The following FSTL4 variants were observed in gnomAD, a reference collection of about 807,000 sequenced individuals.
FSTL4 encodes the protein follistatin-related protein 4.
A neutral mutation model predicts 78.2 loss-of-function variants in FSTL4; 28 were observed. The ratio of observed to expected loss-of-function variants is 0.36; its 90% CI spans 0.27 to 0.49. The LOEUF (loss-of-function observed/expected upper bound fraction) is 0.49. Ranked by LOEUF, FSTL4 falls within the 20% of genes least tolerant of loss-of-function variation. The probability of loss-of-function intolerance (pLI) is 0.98; values close to 1 mark genes in which losing one functional copy is unlikely to be tolerated. For synonymous variants in FSTL4, 422 were observed against 440.5 expected, an observed-to-expected ratio of 0.96 and a Z score of 0.53; for missense variants, 922 against 1,084.9, an observed-to-expected ratio of 0.85 and a Z score of 2.11.
chr5:133,714,540 C>T, the FSTL4 span, among the ~76,000 whole-genome samples: 2 of 152,206 alleles, frequency 1.3e-5, no homozygotes, highest in Admixed American at 1.3e-4. Flanking sequence ...TGCCTCTTTG[C>T]TGCGTCTTCA....
chr5:133,671,178 A>G, the FSTL4 span, among the ~76,000 whole-genome samples: 3 of 152,218 alleles, frequency 2.0e-5, no homozygotes, highest in Non-Finnish European at 4.4e-5. Flanking sequence ...CTGGGAGCAG[A>G]GTTCCCTTGA....
At chr5:133,700,737 C>T in the FSTL4 span, among the ~76,000 whole-genome samples, 2 of 152,336 alleles carry the variant, frequency 1.3e-5, no homozygotes, top group Middle Eastern at 3.4e-3. Context: ...CTCAGGGCCT[C>T]GGGTTTCTCA....
At chr5:133,227,443 CT>C (rs904728732) in intron 8 of FSTL4, among the ~76,000 whole-genome samples, 4 of 152,174 alleles carry the variant, frequency 2.6e-5, no homozygotes, top group African/African-American at 9.6e-5. Flanking sequence ...AGAAACTTCC[CT>C]ATACCTTGCC....
chr5:133,674,382 T>C, the FSTL4 span, among the ~76,000 whole-genome samples: 39 of 152,308 alleles, frequency 2.6e-4, no homozygotes, highest in African/African-American at 9.4e-4. Context: ...TTTAGATAAA[T>C]GGGGATTGTA....
intron 6 of FSTL4, among the ~76,000 whole-genome samples, chr5:133,283,244 GTGTGTGTGTGTGTGTGTGTC>G (rs1017785230): frequency 7.7e-6 from 1 of 130,470 alleles, no homozygotes; most frequent in African/African-American, 2.7e-5. Context: ...CCTAGCGTGT[GTGTGTGTGTGTGTGTGTGTC>G]TGTGTGTGTG....
chr5:133,277,521 A>G (rs1253589819), intron 6 of FSTL4, among the ~76,000 whole-genome samples: 1 of 152,242 alleles, frequency 6.6e-6, no homozygotes, highest in African/African-American at 2.4e-5. Flanking sequence ...TATCTAAAAA[A>G]TAACTGAAAT....
chr5:133,769,451 T>G, the FSTL4 span, among the ~76,000 whole-genome samples: 1 of 152,218 alleles, frequency 6.6e-6, no homozygotes, highest in South Asian at 2.1e-4. Context: ...CTCTTCCAGC[T>G]CTGACATGCT....
chr5:133,274,251 G>A (rs1333870766), intron 6 of FSTL4, among the ~76,000 whole-genome samples: 2 of 152,074 alleles, frequency 1.3e-5, no homozygotes, highest in African/African-American at 4.8e-5. Context: ...TGTCCTATTT[G>A]GGCCAGCAGA....
chr5:133,543,870 G>A (rs1455804286), intron 3 of FSTL4, among the ~76,000 whole-genome samples: 1 of 151,450 alleles, frequency 6.6e-6, no homozygotes. Flanking sequence ...ATTCTTCCTA[G>A]ATTTTTTGAA....
rs145996902 is a variant in FSTL4 at position 133,567,891 on chromosome 5, T to G, written c.127-672A>C. ...GTAAAACTGAGTACCTGCATTGATA[T>G]TCACAGTTGATTAGGGGGCCACAGA... On this transcript the variant is annotated intron_variant, in intron 2 of 15. Transcript: ENST00000265342. 5.1e-3 allele frequency among the ~76,000 whole-genome samples: 771 copies of G among 152,352 alleles called. 4 individuals are homozygous for G. The highest frequency in any genetic ancestry group is 0.017 in the African/African-American group (694 of 41,584).
At chr5:133,641,978 A>G in the FSTL4 span, among the ~76,000 whole-genome samples, 1 of 149,972 alleles carries the variant, frequency 6.7e-6, no homozygotes, top group Non-Finnish European at 1.5e-5. Flanking sequence ...GATTCCTAAC[A>G]GCTCTTGAAC....
intron 3 of FSTL4, among the ~76,000 whole-genome samples, chr5:133,404,963 G>A (rs1278920917): frequency 6.6e-6 from 1 of 152,122 alleles, no homozygotes; most frequent in South Asian, 2.1e-4. Context: ...GGCAGTGAGG[G>A]AAAACCCACG....
chr5:133,665,265 T>C, the FSTL4 span, among the ~76,000 whole-genome samples: 1 of 152,240 alleles, frequency 6.6e-6, no homozygotes, highest in Non-Finnish European at 1.5e-5. Flanking sequence ...ACAAGCTTAT[T>C]TCTTATTCTC....
the FSTL4 span, among the ~76,000 whole-genome samples, chr5:133,792,367 A>G: frequency 8.5e-5 from 13 of 152,212 alleles, no homozygotes; most frequent in Non-Finnish European, 4.4e-5. Context: ...CCTTGAAGGA[A>G]TGAGTTCTGT....
intron 6 of FSTL4, among the ~76,000 whole-genome samples, chr5:133,269,114 G>A (rs1402633323): frequency 2.0e-5 from 3 of 150,420 alleles, no homozygotes; most frequent in Non-Finnish European, 2.9e-5. Flanking sequence ...CCCGGGAGGC[G>A]GAGCTTGCAG....
At chr5:133,669,571 G>A in the FSTL4 span, among the ~76,000 whole-genome samples, 1 of 152,188 alleles carries the variant, frequency 6.6e-6, no homozygotes, top group African/African-American at 2.4e-5. Flanking sequence ...ACCAGCCTGT[G>A]GTGTGGCTGA....
the FSTL4 span, among the ~76,000 whole-genome samples, chr5:133,622,556 T>C: frequency 3.3e-5 from 5 of 152,318 alleles, no homozygotes; most frequent in Admixed American, 1.3e-4. Context: ...CTACTAGTAA[T>C]GTATGAGTGA....
chr5:133,300,853 C>A (rs1435025702), intron 6 of FSTL4, among the ~76,000 whole-genome samples: 1 of 151,806 alleles, frequency 6.6e-6, no homozygotes, highest in Non-Finnish European at 1.5e-5. Context: ...AGAAAGCAGC[C>A]CTCCACGGGA....
chr5:133,201,682 C>T (rs1412950297), intron 15 of FSTL4, among the ~76,000 whole-genome samples: 1 of 152,160 alleles, frequency 6.6e-6, no homozygotes, highest in Non-Finnish European at 1.5e-5. Context: ...GACTTCCTGA[C>T]CTTTCTGGGC....
Sources: allele counts gnomAD v4.1 joint callset (sites outside exome capture counted in the v4.1 genomes callset), GRCh38; gene constraint gnomAD v4.1.1; transcripts MANE v1.5; gene names NCBI Gene and HGNC (gene_info 2026-07-23, HGNC 2026-07-21).